The following TCF7L2 variants were observed in gnomAD, a reference collection of about 807,000 sequenced individuals.
TCF7L2 encodes the protein transcription factor 7-like 2.
TCF7L2 carries 23 observed loss-of-function variants against 77.9 expected under a neutral mutation model. That is an observed-to-expected ratio of 0.30 (90% CI 0.21 to 0.42). The LOEUF (loss-of-function observed/expected upper bound fraction) is 0.42. Ranked by LOEUF, TCF7L2 falls within the 10% of genes least tolerant of loss-of-function variation. The pLI is 1.00. For missense variants in TCF7L2, 654 were observed against 793.1 expected (o/e 0.82, Z 2.11); for synonymous variants, 413 against 340.2 (o/e 1.21, Z -2.36).
intron 8 of TCF7L2, among the ~76,000 whole-genome samples, chr10:113,149,899 T>A (rs2070372985): frequency 6.6e-6 from 1 of 152,202 alleles, no homozygotes; most frequent in Non-Finnish European, 1.5e-5. Context: ...TCCCTCACTA[T>A]TTTTTCTATA....
chr10:113,151,201 T>G lies in TCF7L2; in HGVS notation c.1001+78T>G. 1 of 1,599,818 alleles carries G rather than the reference T, an allele frequency of 6.3e-7. No homozygotes were observed. The highest frequency in any genetic ancestry group is 8.5e-7 in the Non-Finnish European group (1 of 1,171,338). ...CTGTTGCAGCTGCTGGGTGGTGGCT[T>G]TCTGCCTAAGGTTGGCCTCGTTTGG... On this transcript the variant is annotated intron_variant, in intron 9 of 13. Transcript: ENST00000627217. The surrounding 1 kb of genome is among the most constrained non-coding windows in gnomAD (Gnocchi z 5.2).
intron 4 of TCF7L2, among the ~76,000 whole-genome samples, chr10:113,023,222 C>A (rs987131866): frequency 6.6e-6 from 1 of 152,192 alleles, no homozygotes; most frequent in Non-Finnish European, 1.5e-5. Flanking sequence ...CCGGTGTCTG[C>A]AAAGTGAGTT....
At chr10:113,102,883 T>C (rs905012513) in intron 5 of TCF7L2, among the ~76,000 whole-genome samples, 10 of 152,238 alleles carry the variant, frequency 6.6e-5, no homozygotes, top group African/African-American at 2.4e-4. Flanking sequence ...TATTATTGTT[T>C]CACCCTTACA....
chr10:113,134,820 C>G lies in TCF7L2; in HGVS notation c.553-6364C>G, dbSNP rs114193770. 6.7e-3 allele frequency among the ~76,000 whole-genome samples: 1,024 copies of G among 152,288 alleles called. 15 individuals are homozygous for G. Among genetic ancestry groups the G allele is most frequent in the African/African-American group, 0.023 (948 of 41,552 alleles). ...CTGGTAAGTGAAGACCCCCAAAGAC[C>G]TTCCATGCCCACCCTGAGGAGGGGA... On this transcript the variant is annotated intron_variant, in intron 5 of 13. Coordinates refer to ENST00000627217, the MANE Select transcript of TCF7L2 (RefSeq NM_001146274.2).
At chr10:113,154,148 A>T (rs181664444) in intron 11 of TCF7L2, among the ~76,000 whole-genome samples, 14 of 152,234 alleles carry the variant, frequency 9.2e-5, no homozygotes, top group African/African-American at 2.9e-4. Flanking sequence ...TGCAGTGGGG[A>T]GGCCTTTCTT....
Position 113,122,830 on chromosome 10 carries a change from C to A in TCF7L2, c.553-18354C>A, listed in dbSNP as rs184010420. The stretch of plus-strand genomic sequence containing the variant: ...GAATTACCTGGGCCCGGTATCCCTC[C>A]TTGGCCATCACAATTGCTGCAACCG... On this transcript the variant is annotated intron_variant, in intron 5 of 13. Coordinates refer to ENST00000627217, the MANE Select transcript of TCF7L2 (RefSeq NM_001146274.2). 1.2e-3 allele frequency among the ~76,000 whole-genome samples: 189 copies of A among 152,284 alleles called. 1 individual carries two copies. The highest frequency in any genetic ancestry group is 7.2e-4 in the Non-Finnish European group (49 of 68,010).
chr10:113,056,156 G>C (rs756014967), intron 5 of TCF7L2, among the ~76,000 whole-genome samples: 2 of 152,142 alleles, frequency 1.3e-5, no homozygotes, highest in African/African-American at 2.4e-5. Flanking sequence ...TTTGCAACAG[G>C]CTCCTTGAAG....
At chr10:113,116,088 A>G (rs2063698266) in intron 5 of TCF7L2, among the ~76,000 whole-genome samples, 1 of 152,230 alleles carries the variant, frequency 6.6e-6, no homozygotes, top group Non-Finnish European at 1.5e-5. Flanking sequence ...TATGTAGCTG[A>G]CAACAATGCA....
At chr10:112,999,692 A>G (rs1212708916) in intron 4 of TCF7L2, among the ~76,000 whole-genome samples, 2 of 152,248 alleles carry the variant, frequency 1.3e-5, no homozygotes, top group East Asian at 1.9e-4. Context: ...AAGGGTTTGC[A>G]TGCTTCTAGA....
chr10:113,107,012 T>C (rs2136007072), intron 5 of TCF7L2, among the ~76,000 whole-genome samples: 1 of 152,338 alleles, frequency 6.6e-6, no homozygotes, highest in African/African-American at 2.4e-5. Flanking sequence ...GGTTTTATAA[T>C]TTTTGCGAAG....
intron 5 of TCF7L2, among the ~76,000 whole-genome samples, chr10:113,044,084 AT>A (rs1202695267): frequency 1.3e-5 from 2 of 152,054 alleles, no homozygotes; most frequent in Non-Finnish European, 1.5e-5. Context: ...CTTGGGGTGG[AT>A]TTTTTGTACT....
chr10:113,108,673 A>T (rs1364934593), intron 5 of TCF7L2, among the ~76,000 whole-genome samples: 1 of 152,160 alleles, frequency 6.6e-6, no homozygotes, highest in Non-Finnish European at 1.5e-5. Context: ...TGCAGTATGG[A>T]CGTGGTATTC....
chr10:113,161,723 C>A, intron 13 of TCF7L2: 1 of 1,084,436 alleles, frequency 9.2e-7, no homozygotes, highest in Non-Finnish European at 1.3e-6. Context: ...AGATGTGCAT[C>A]CCATTACGTG....
intron 5 of TCF7L2, among the ~76,000 whole-genome samples, chr10:113,129,011 C>T (rs2066119490): frequency 6.6e-6 from 1 of 152,048 alleles, no homozygotes; most frequent in South Asian, 2.1e-4. Flanking sequence ...GTCAAAAAAG[C>T]GAGTTAGCAT....
intron 5 of TCF7L2, among the ~76,000 whole-genome samples, chr10:113,117,224 A>G (rs1205703996): frequency 6.6e-6 from 1 of 152,194 alleles, no homozygotes; most frequent in Non-Finnish European, 1.5e-5. Flanking sequence ...TTTCATCCCT[A>G]AGTATAACAA....
At chr10:113,045,246 G>A (rs2053219844) in intron 5 of TCF7L2, among the ~76,000 whole-genome samples, 1 of 152,176 alleles carries the variant, frequency 6.6e-6, no homozygotes, top group Admixed American at 6.5e-5. Flanking sequence ...AAAGACTGTA[G>A]CGCTTCCTAT....
At chr10:113,134,585 G>A (rs1242440871) in intron 5 of TCF7L2, among the ~76,000 whole-genome samples, 1 of 152,210 alleles carries the variant, frequency 6.6e-6, no homozygotes, top group East Asian at 1.9e-4. Flanking sequence ...TTCCTTCATT[G>A]TGTTCCCAGC....
chr10:113,160,790 C>T (rs1379172046), intron 13 of TCF7L2: 1 of 1,143,396 alleles, frequency 8.7e-7, no homozygotes, highest in Non-Finnish European at 1.2e-6. Context: ...CCATCTACTT[C>T]CCCTCTGGCA....
At chr10:113,036,010 C>T (rs1322408533) in intron 4 of TCF7L2, among the ~76,000 whole-genome samples, 1 of 152,076 alleles carries the variant, frequency 6.6e-6, no homozygotes, top group African/African-American at 2.4e-5. Context: ...ATCTGTGGAG[C>T]AGAGTCACTG....
Sources: gnomAD v4.1 joint callset for allele counts (sites outside exome capture counted in the v4.1 genomes callset) on GRCh38, gnomAD v4.1.1 for gene constraint, Gnocchi (gnomAD v3.1) non-coding constraint, MANE v1.5 for transcripts, NCBI Gene and HGNC (gene_info 2026-07-23, HGNC 2026-07-21) for gene names.